The following LATS2 variants were observed in gnomAD, a reference collection of about 807,000 sequenced individuals.
LATS2 encodes the protein serine/threonine-protein kinase LATS2.
Under a neutral mutation model 76.0 loss-of-function variants are expected in LATS2, and 24 were observed. The observed-to-expected ratio is 0.32, with a 90% CI of 0.23 to 0.44. The LOEUF (loss-of-function observed/expected upper bound fraction) is 0.44, where lower values mean the gene tolerates loss of function less well. Among genes scored for constraint, LATS2 ranks in the 20% least tolerant of loss-of-function variants. The probability of loss-of-function intolerance (pLI) is 1.00; values close to 1 mark genes in which losing one functional copy is unlikely to be tolerated. For missense variants in LATS2, 1,286 were observed against 1,481.2 expected (o/e 0.87, Z 2.16); for synonymous variants, 692 against 635.4 (o/e 1.09, Z -1.34).
At chr13:21,013,846 C>T (rs1871692255) in intron 2 of LATS2, among the ~76,000 whole-genome samples, 2 of 152,038 alleles carry the variant, frequency 1.3e-5, no homozygotes, top group Non-Finnish European at 2.9e-5. Context: ...CCACACATGC[C>T]TGTGGTCCCA....
intron 2 of LATS2, among the ~76,000 whole-genome samples, chr13:21,013,364 T>C (rs919213967): frequency 6.6e-6 from 1 of 152,224 alleles, no homozygotes; most frequent in Admixed American, 6.5e-5. Context: ...GGACTATGAC[T>C]AATGTGCATG....
chr13:20,997,890 G>A (rs11618025), intron 2 of LATS2, among the ~76,000 whole-genome samples: 1 of 152,050 alleles, frequency 6.6e-6, no homozygotes, highest in African/African-American at 2.4e-5. Context: ...ATTTCCTATG[G>A]AGATCCTCCC....
intron 2 of LATS2, among the ~76,000 whole-genome samples, chr13:21,003,084 T>C (rs897053621): frequency 1.3e-5 from 2 of 152,138 alleles, no homozygotes; most frequent in African/African-American, 2.4e-5. Context: ...TCATCAAGTT[T>C]TCTGAAAAGG....
intron 5 of LATS2, 102 bp from the exon 6 acceptor site, chr13:20,981,750 C>T (rs1869899229): frequency 3.2e-6 from 3 of 948,374 alleles, no homozygotes; most frequent in Admixed American, 2.7e-5. Context: ...ACAGCAAAGT[C>T]ATTCCAATCA....
intron 7 of LATS2, among the ~76,000 whole-genome samples, chr13:20,977,752 G>A (rs1359967907): frequency 6.6e-6 from 1 of 150,968 alleles, no homozygotes; most frequent in African/African-American, 2.4e-5. Context: ...TAATTAGATG[G>A]TAAATTTTAT....
chr13:21,033,621 G>A (rs1887895), intron 2 of LATS2, among the ~76,000 whole-genome samples: 89,698 of 148,984 alleles, frequency 0.6, 29,206 homozygotes, highest in Non-Finnish European at 0.73. Context: ...TCTTGTAAGC[G>A]TCTCCAAGGT....
At chr13:21,052,951 G>A (rs1342577887) in intron 1 of LATS2, among the ~76,000 whole-genome samples, 10 of 151,894 alleles carry the variant, frequency 6.6e-5, no homozygotes, top group Non-Finnish European at 1.3e-4. Context: ...AAAACCGAAC[G>A]CTGGGCCGGG....
At chr13:20,985,936 C>T (rs539989522) in intron 4 of LATS2, among the ~76,000 whole-genome samples, 6 of 151,864 alleles carry the variant, frequency 4.0e-5, no homozygotes, top group African/African-American at 1.2e-4. Context: ...CCCAGCTGCT[C>T]GGTAGGCTGA....
intron 1 of LATS2, among the ~76,000 whole-genome samples, chr13:21,058,941 GA>G (rs61016650): frequency 0.025 from 3,405 of 136,686 alleles, 54 homozygotes; most frequent in Non-Finnish European, 0.03. Context: ...GGTTGTTACA[GA>G]AAAAAAAAAA....
chr13:21,029,990 G>A (rs192988243), intron 2 of LATS2, among the ~76,000 whole-genome samples: 1 of 151,874 alleles, frequency 6.6e-6, no homozygotes, highest in Non-Finnish European at 1.5e-5. Flanking sequence ...AGGGCATGGT[G>A]GCATGCACCT....
At chr13:21,011,860 T>A (rs564391653) in intron 2 of LATS2, among the ~76,000 whole-genome samples, 1 of 152,352 alleles carries the variant, frequency 6.6e-6, no homozygotes, top group South Asian at 2.1e-4. Flanking sequence ...ACACCTAGGC[T>A]AGATGGTATA....
intron 3 of LATS2, among the ~76,000 whole-genome samples, chr13:20,990,895 C>T (rs1388691508): frequency 6.6e-6 from 1 of 152,178 alleles, no homozygotes; most frequent in Non-Finnish European, 1.5e-5. Context: ...GGAAAGAAGC[C>T]ACCCTTGTCA....
chr13:20,988,627 C>T lies in LATS2; in HGVS notation c.1153G>A (p.Gly385Ser), dbSNP rs202010116. Reference protein sequence around the residue: ...LARRDSLQKPGLEAPPRAHVA... With the variant: ...LARRDSLQKPSLEAPPRAHVA... ...TGCGCGCGCGGCGGCGCCTCCAGGC[C>T]CGGCTTCTGCAGGGAGTCCCGGCGG... Residue 385 changes from glycine to serine, a missense_variant, in exon 4 of 8, where the codon GGC becomes AGC. Around this residue, in one of 5 missense-constraint regions of LATS2, gnomAD observed 710 missense variants for 660.9 expected, o/e 1.07. Transcript: ENST00000382592. 1.2e-3 allele frequency: 1,948 copies of T among 1,587,786 alleles called. 1 individual carries two copies. Among genetic ancestry groups the T allele is most frequent in the Non-Finnish European group, 1.5e-3 (1,814 of 1,175,446 alleles).
intron 2 of LATS2, among the ~76,000 whole-genome samples, chr13:21,007,603 GTGTGTATA>G (rs1289346069): frequency 2.6e-3 from 2 of 778 alleles, no homozygotes; most frequent in Non-Finnish European, 4.7e-3. Context: ...TATATATATA[GTGTGTATA>G]TATATATATA....
At chr13:21,004,961 C>A (rs374081136) in intron 2 of LATS2, among the ~76,000 whole-genome samples, 333 of 152,264 alleles carry the variant, frequency 2.2e-3, no homozygotes, top group Admixed American at 3.4e-3. Context: ...CCAGCCCCGG[C>A]GTTCTAAATG....
Position 20,973,309 on chromosome 13 carries a change from T to C in LATS2, c.*1561A>G. On this transcript the variant is annotated 3_prime_UTR_variant, in exon 8 of 8. Transcript: ENST00000382592. ...TTTTTTAGTTTAAACACTGATAAAC[T>C]TCTAAGTGTTGTTGCCTAGATATAT... 1 of 231,432 alleles carries C rather than the reference T, an allele frequency of 4.3e-6. No homozygotes were observed. Among genetic ancestry groups the C allele is most frequent in the East Asian group, 6.2e-5 (1 of 16,150 alleles). 14.3% of individuals were successfully genotyped at this position (231,432 alleles called of 1,614,324 possible).
In LATS2 at chr13:20,974,204, A is replaced by G. The variant is rs763640510; in HGVS notation, c.*666T>C. 7 of 225,128 alleles carry G rather than the reference A, an allele frequency of 3.1e-5. No individual in the cohort carries two copies. The highest frequency in any genetic ancestry group is 5.3e-5 in the Non-Finnish European group (6 of 113,082). The allele number at this position is 225,128 out of a possible 1,614,324, so 13.9% of individuals were successfully genotyped here. A position where few individuals can be genotyped will look rare whatever the true frequency, so the allele number is the denominator to read the frequency against. ...GATATGGTAATTTTATAATAGAAGAACTCTGCTCATGCAGTACTCTCCACA... is the reference window on the plus strand; with the variant it reads ...GATATGGTAATTTTATAATAGAAGAGCTCTGCTCATGCAGTACTCTCCACA... On this transcript the variant is annotated 3_prime_UTR_variant, in exon 8 of 8. Coordinates refer to ENST00000382592, the MANE Select transcript of LATS2 (RefSeq NM_014572.3).
intron 2 of LATS2, among the ~76,000 whole-genome samples, chr13:21,034,898 T>C (rs1405964617): frequency 6.6e-6 from 1 of 152,130 alleles, no homozygotes; most frequent in Non-Finnish European, 1.5e-5. Context: ...AATTTAACTA[T>C]GAAAAAAATC....
At chr13:21,036,635 T>A (rs1872690477) in intron 2 of LATS2, among the ~76,000 whole-genome samples, 1 of 151,906 alleles carries the variant, frequency 6.6e-6, no homozygotes, top group African/African-American at 2.4e-5. Context: ...TAGCCCGGCA[T>A]GGTGGCGCGT....
Sources: gnomAD v4.1 joint callset for allele counts (sites outside exome capture counted in the v4.1 genomes callset) on GRCh38, gnomAD v4.1.1 for gene constraint, gnomAD v4.1.1 regional missense constraint, MANE v1.5 for transcripts, NCBI Gene and HGNC (gene_info 2026-07-23, HGNC 2026-07-21) for gene names.